Variants in PLCL1 observed in about 807,000 individuals in gnomAD.
PLCL1 encodes the protein inactive phospholipase C-like protein 1.
A neutral mutation model predicts 84.4 loss-of-function variants in PLCL1; 41 were observed. That is an observed-to-expected ratio of 0.49 (90% CI 0.38 to 0.63). PLCL1 has a LOEUF of 0.63. Among genes scored for constraint, PLCL1 ranks in the 30% least tolerant of loss-of-function variants. The pLI is 0.00. For missense variants in PLCL1, 1,206 were observed against 1,367.8 expected (o/e 0.88, Z 1.87); for synonymous variants, 490 against 488.3 (o/e 1.00, Z -0.05).
intron 5 of PLCL1, among the ~76,000 whole-genome samples, chr2:198,141,852 T>C (rs1694395416): frequency 6.6e-6 from 1 of 152,176 alleles, no homozygotes; most frequent in Admixed American, 6.5e-5. Context: ...ACGAGTTGAC[T>C]TGGAGACAGA....
intron 1 of PLCL1, among the ~76,000 whole-genome samples, chr2:197,817,867 AT>A (rs1401719688): frequency 6.6e-6 from 1 of 152,060 alleles, no homozygotes; most frequent in African/African-American, 2.4e-5. Flanking sequence ...GAAGTTGTAC[AT>A]TTTGGAATTT....
chr2:197,954,551 T>C (rs915995308), intron 1 of PLCL1, among the ~76,000 whole-genome samples: 1 of 152,070 alleles, frequency 6.6e-6, no homozygotes, highest in Non-Finnish European at 1.5e-5. Flanking sequence ...TGTCAAGAAT[T>C]ATATGCTAAT....
intron 1 of PLCL1, among the ~76,000 whole-genome samples, chr2:197,813,898 G>C (rs565994702): frequency 1.6e-4 from 25 of 152,224 alleles, no homozygotes; most frequent in African/African-American, 5.5e-4. Flanking sequence ...AGCTTAGCTG[G>C]TGTGGATAAA....
intron 1 of PLCL1, among the ~76,000 whole-genome samples, chr2:197,836,446 CAAAAAAAAAAAAAAAAA>C (rs35510400): frequency 2.9e-5 from 1 of 34,534 alleles, no homozygotes; most frequent in African/African-American, 1.0e-4. Context: ...GACTCCGTCT[CAAAAAAAAAAAAAAAAA>C]AAAAAAAAAA....
rs145055201 is a variant in PLCL1, at chr2:198,083,500, A to G, written c.241-258A>G. The stretch of plus-strand genomic sequence containing the variant: ...AGAAATCTGCTTTAATGAACAAATC[A>G]GAGTGATTTGTACTTAATACTTGAT... On this transcript the variant is annotated intron_variant, in intron 1 of 5. Transcript: ENST00000428675. Among the ~76,000 whole-genome samples the G allele has an allele frequency of 2.5e-4, 38 of 152,334 alleles. 1 individual carries two copies. The highest frequency in any genetic ancestry group is 3.9e-4 in the Admixed American group (6 of 15,302).
At chr2:197,993,137 T>A (rs1690376757) in intron 1 of PLCL1, among the ~76,000 whole-genome samples, 1 of 152,206 alleles carries the variant, frequency 6.6e-6, no homozygotes, top group Admixed American at 6.5e-5. Context: ...GGTTCCAATT[T>A]CTGCATACCC....
chr2:198,055,625 C>T (rs1259590043), intron 1 of PLCL1, among the ~76,000 whole-genome samples: 1 of 151,192 alleles, frequency 6.6e-6, no homozygotes. Flanking sequence ...CATGGTTCTC[C>T]TTGGAATGAT....
intron 1 of PLCL1, among the ~76,000 whole-genome samples, chr2:197,875,156 T>C (rs1687712102): frequency 1.3e-5 from 2 of 151,942 alleles, no homozygotes; most frequent in African/African-American, 4.8e-5. Flanking sequence ...TGTGGTGGTG[T>C]GCACCTGTAG....
chr2:198,144,954 G>A (rs1463760357), intron 5 of PLCL1, among the ~76,000 whole-genome samples: 1 of 152,146 alleles, frequency 6.6e-6, no homozygotes, highest in Non-Finnish European at 1.5e-5. Context: ...CCACTTAGCA[G>A]CTGTATGACT....
At chr2:197,931,755 C>T (rs1688939467) in intron 1 of PLCL1, among the ~76,000 whole-genome samples, 1 of 135,652 alleles carries the variant, frequency 7.4e-6, no homozygotes. Flanking sequence ...AGGACAGAGG[C>T]CTTTATTCCC....
intron 1 of PLCL1, among the ~76,000 whole-genome samples, chr2:198,081,687 A>T (rs1458796546): frequency 6.6e-6 from 1 of 152,216 alleles, no homozygotes; most frequent in African/African-American, 2.4e-5. Context: ...TGAAGATCTG[A>T]TATAAATTGG....
At position 198,084,512 on chromosome 2, in the gene PLCL1, C is replaced by T; in HGVS notation, c.995C>T (p.Ala332Val). ...QISKNKEYLD[A>V]NDLMLFLEAE... ...TCTAAAAACAAAGAATATTTGGATG[C>T]CAATGATCTCATGCTCTTTTTAGAA... Residue 332 changes from alanine to valine, a missense_variant, in exon 2 of 6, where the codon GCC becomes GTC. Transcript: ENST00000428675. 6.2e-7 allele frequency: 1 copy of T among 1,614,008 alleles called. No homozygotes were observed. The highest frequency in any genetic ancestry group is 8.5e-7 in the Non-Finnish European group (1 of 1,179,910).
At chr2:198,047,833 TAA>T (rs892259858) in intron 1 of PLCL1, among the ~76,000 whole-genome samples, 43 of 152,280 alleles carry the variant, frequency 2.8e-4, no homozygotes, top group Middle Eastern at 3.4e-3. Context: ...ATCCCAGCTT[TAA>T]AGAGTGGAGT....
chr2:198,084,552 C>A lies in PLCL1; in HGVS notation c.1035C>A (p.Val345=). The change falls in exon 2 of 6, where the codon GTC becomes GTA. Residue 345 remains valine, a synonymous_variant. Coordinates refer to ENST00000428675, the MANE Select transcript of PLCL1 (RefSeq NM_006226.4). ...TCTTTTTAGAAGCTGAGCAAGGAGT[C>A]ACCCATATCACCGAGGATATATGCT... The part of the protein sequence containing the change: ...LMLFLEAEQG[V]THITEDICLD... The A allele has an allele frequency of 1.2e-6, 2 of 1,613,622 alleles. No homozygotes were observed. Among genetic ancestry groups the A allele is most frequent in the South Asian group, 1.1e-5 (1 of 91,060 alleles).
intron 1 of PLCL1, among the ~76,000 whole-genome samples, chr2:198,029,415 T>C (rs10196612): frequency 0.49 from 74,175 of 152,030 alleles, 18,491 homozygotes; most frequent in Middle Eastern, 0.63. Context: ...ACATTATATT[T>C]TTCCTGTTGT....
chr2:197,842,367 G>A (rs566997654), intron 1 of PLCL1, among the ~76,000 whole-genome samples: 1 of 152,182 alleles, frequency 6.6e-6, no homozygotes, highest in South Asian at 2.1e-4. Context: ...CTGACATTCT[G>A]ACTTTTCTCA....
chr2:197,960,112 T>G (rs1689581329), intron 1 of PLCL1, among the ~76,000 whole-genome samples: 1 of 152,192 alleles, frequency 6.6e-6, no homozygotes, highest in South Asian at 2.1e-4. Flanking sequence ...CTTCTCTGGG[T>G]TCCTCAGATC....
At chr2:197,832,799 C>A (rs1256273133) in intron 1 of PLCL1, among the ~76,000 whole-genome samples, 2 of 152,220 alleles carry the variant, frequency 1.3e-5, no homozygotes, top group African/African-American at 4.8e-5. Flanking sequence ...AAAAGCTTAT[C>A]CACCACAATC....
At chr2:198,015,631 G>A (rs1422937298) in intron 1 of PLCL1, among the ~76,000 whole-genome samples, 1 of 152,056 alleles carries the variant, frequency 6.6e-6, no homozygotes, top group African/African-American at 2.4e-5. Context: ...AATACAAATG[G>A]TGAATAAAGT....
Sources: gnomAD v4.1 joint callset for allele counts (sites outside exome capture counted in the v4.1 genomes callset) on GRCh38, gnomAD v4.1.1 for gene constraint, MANE v1.5 for transcripts, NCBI Gene and HGNC (gene_info 2026-07-23, HGNC 2026-07-21) for gene names.